CAB39L: variants seen among roughly 807,000 people sequenced by gnomAD.
CAB39L encodes the protein calcium-binding protein 39-like.
A neutral mutation model predicts 39.1 loss-of-function variants in CAB39L; 23 were observed. The ratio of observed to expected loss-of-function variants is 0.59; its 90% CI spans 0.42 to 0.83. CAB39L has a LOEUF of 0.83. Ranked by LOEUF, CAB39L falls within the 40% of genes least tolerant of loss-of-function variation. The probability of loss-of-function intolerance (pLI) is 0.00; values close to 1 mark genes in which losing one functional copy is unlikely to be tolerated. For synonymous variants in CAB39L, 126 were observed against 137.2 expected, an observed-to-expected ratio of 0.92 and a Z score of 0.57; for missense variants, 366 against 391.9, an observed-to-expected ratio of 0.93 and a Z score of 0.56.
chr13:49,395,297 A>G (rs1316833168), intron 3 of CAB39L, among the ~76,000 whole-genome samples: 2 of 148,142 alleles, frequency 1.4e-5, no homozygotes, highest in Non-Finnish European at 1.5e-5. Context: ...GTGCAATGGC[A>G]TGATCTCGGC....
chr13:49,396,534 C>G lies in CAB39L; in HGVS notation c.-31-13593G>C, dbSNP rs893338598. On this transcript the variant is annotated intron_variant, in intron 3 of 10. Transcript: ENST00000409308. ...GACCAGCCTAGCCAACATGGTGAAA[C>G]CTCGTCTCTACTAAAATACAAAAAT... 3.9e-5 allele frequency among the ~76,000 whole-genome samples: 6 copies of G among 152,132 alleles called. No individual in the cohort carries two copies. In the South Asian group the frequency reaches 1.0e-3, roughly 26 times the overall value.
Position 49,326,753 on chromosome 13 carries a change from T to C in CAB39L, c.834+5194A>G, listed in dbSNP as rs190169362. ...AAACAAGCGGTCAACTATTTTTAAATGTACCTACCCTGTCCAATGATTAGG... is the reference window on the plus strand; with the variant it reads ...AAACAAGCGGTCAACTATTTTTAAACGTACCTACCCTGTCCAATGATTAGG... On this transcript the variant is annotated intron_variant, in intron 10 of 10. Coordinates refer to ENST00000409308, the MANE Select transcript of CAB39L (RefSeq NM_001079670.3). Among the ~76,000 whole-genome samples, 576 of 152,330 alleles carry C rather than the reference T, an allele frequency of 3.8e-3. 3 individuals carry two copies. Among genetic ancestry groups the C allele is most frequent in the African/African-American group, 0.013 (558 of 41,564 alleles).
Position 49,350,729 on chromosome 13 carries a change from G to GAA in CAB39L, c.564+13_564+14dup. 9.1e-6 allele frequency: 13 copies of GAA among 1,431,452 alleles called. No individual in the cohort carries two copies. Among genetic ancestry groups the GAA allele is most frequent in the Admixed American group, 6.7e-5 (3 of 44,700 alleles). The allele number at this position is 1,431,452 out of a possible 1,614,324, so 88.7% of individuals were successfully genotyped here. A position where few individuals can be genotyped will look rare whatever the true frequency, so the allele number is the denominator to read the frequency against. ...ACTATAAATTGACCTAGCTGAGTTG[G>GAA]AAAAAAAAAATTACCTTGAAAGTAG... On this transcript the variant is annotated intron_variant, in intron 7 of 10. Coordinates refer to ENST00000409308, the MANE Select transcript of CAB39L (RefSeq NM_001079670.3).
At chr13:49,343,654 A>T (rs1261866436) in intron 8 of CAB39L, among the ~76,000 whole-genome samples, 1 of 151,926 alleles carries the variant, frequency 6.6e-6, no homozygotes, top group Non-Finnish European at 1.5e-5. Flanking sequence ...AGAGACAGAG[A>T]CAGAAAGAGA....
chr13:49,407,779 C>T (rs951155533), intron 3 of CAB39L, among the ~76,000 whole-genome samples: 4 of 150,068 alleles, frequency 2.7e-5, no homozygotes, highest in African/African-American at 9.8e-5. Flanking sequence ...GTATTCCCAG[C>T]CCTTATGGGA....
chr13:49,322,926 CATT>C (rs1254344670), intron 10 of CAB39L, among the ~76,000 whole-genome samples: 1 of 152,218 alleles, frequency 6.6e-6, no homozygotes, highest in Non-Finnish European at 1.5e-5. Context: ...TGTTGGCTTG[CATT>C]ATGATATTCT....
chr13:49,423,293 A>T (rs1957199476), intron 3 of CAB39L, among the ~76,000 whole-genome samples: 1 of 152,256 alleles, frequency 6.6e-6, no homozygotes, highest in Non-Finnish European at 1.5e-5. Flanking sequence ...TCCAATGACC[A>T]CATTTTGAGA....
chr13:49,324,332 A>C (rs1167371228), intron 10 of CAB39L, among the ~76,000 whole-genome samples: 2 of 151,992 alleles, frequency 1.3e-5, no homozygotes, highest in African/African-American at 2.4e-5. Context: ...AAAAATAAAT[A>C]AATAAAAATA....
chr13:49,361,477 CAAAAAAAAAAAA>C (rs33984866), intron 5 of CAB39L, among the ~76,000 whole-genome samples: 2 of 54,440 alleles, frequency 3.7e-5, no homozygotes, highest in Non-Finnish European at 6.1e-5. Flanking sequence ...GACTTCATCT[CAAAAAAAAAAAA>C]AAAAAAAAAA....
intron 5 of CAB39L, among the ~76,000 whole-genome samples, chr13:49,366,292 G>T (rs1955767877): frequency 6.6e-6 from 1 of 151,726 alleles, no homozygotes; most frequent in African/African-American, 2.4e-5. Flanking sequence ...TCCATGATGT[G>T]GTTATTACAC....
intron 5 of CAB39L, among the ~76,000 whole-genome samples, chr13:49,363,069 T>C (rs918634908): frequency 1.3e-5 from 2 of 152,178 alleles, no homozygotes; most frequent in African/African-American, 4.8e-5. Flanking sequence ...TGATCAATAC[T>C]AGACCCATCC....
chr13:49,383,468 ATAAACT>A (rs1394845335), intron 3 of CAB39L, among the ~76,000 whole-genome samples: 3 of 152,200 alleles, frequency 2.0e-5, no homozygotes, highest in African/African-American at 4.8e-5. Context: ...TTTAAAAAAC[ATAAACT>A]TATTCTCTGA....
rs1335504442 is a variant in CAB39L, at chr13:49,309,962, A to G, written c.*852T>C. 4 of 152,180 alleles carry G rather than the reference A, an allele frequency of 2.6e-5. No individual in the cohort carries two copies. The highest frequency in any genetic ancestry group is 5.9e-5 in the Non-Finnish European group (4 of 68,066). 9.4% of individuals were successfully genotyped at this position (152,180 alleles called of 1,614,324 possible). A position where few individuals can be genotyped will look rare whatever the true frequency, so the allele number is the denominator to read the frequency against. On this transcript the variant is annotated 3_prime_UTR_variant, in exon 11 of 11. Coordinates refer to ENST00000409308, the MANE Select transcript of CAB39L (RefSeq NM_001079670.3). ...ATCCCACTATGCTGATTCCTACTCT[A>G]AAAGACACTTACAGCAGAAAGCATT...
intron 5 of CAB39L, among the ~76,000 whole-genome samples, chr13:49,363,978 C>T (rs1447678900): frequency 6.6e-6 from 1 of 151,866 alleles, no homozygotes; most frequent in Non-Finnish European, 1.5e-5. Context: ...AAAGATATTC[C>T]ATGCTAATGA....
In CAB39L at chr13:49,366,311, C is replaced by A. The variant is rs146895797; in HGVS notation, c.277-6479G>T. Among the ~76,000 whole-genome samples, 44 of 151,826 alleles carry A rather than the reference C, an allele frequency of 2.9e-4. No homozygotes were observed. In the East Asian group the frequency reaches 6.6e-3, roughly 23 times the overall value. ...TGATGTGGTTATTACACATTACATG[C>A]CTGTACTAAAATATCTCATATACAC... On this transcript the variant is annotated intron_variant, in intron 5 of 10. Coordinates refer to ENST00000409308, the MANE Select transcript of CAB39L (RefSeq NM_001079670.3).
At chr13:49,389,307 G>A (rs919889958) in intron 3 of CAB39L, among the ~76,000 whole-genome samples, 3 of 152,106 alleles carry the variant, frequency 2.0e-5, no homozygotes, top group African/African-American at 7.2e-5. Flanking sequence ...GCCAAGACAT[G>A]GAACCAACCT....
chr13:49,392,851 T>C (rs555203134), intron 3 of CAB39L, among the ~76,000 whole-genome samples: 239 of 151,888 alleles, frequency 1.6e-3, no homozygotes, highest in Non-Finnish European at 3.0e-3. Context: ...CCAAATCAGG[T>C]TTTTAATAAT....
intron 1 of CAB39L, among the ~76,000 whole-genome samples, chr13:49,441,840 C>A (rs1027824693): frequency 6.6e-6 from 1 of 151,938 alleles, no homozygotes; most frequent in African/African-American, 2.4e-5. Flanking sequence ...CAAGTGCTGA[C>A]AAGGATGAAA....
At chr13:49,324,503 C>T (rs543551658) in intron 10 of CAB39L, among the ~76,000 whole-genome samples, 19 of 152,230 alleles carry the variant, frequency 1.2e-4, no homozygotes, top group African/African-American at 4.1e-4. Context: ...AGCGCTTCTA[C>T]GAAATACAAA....
Sources: gnomAD v4.1 joint callset for allele counts (sites outside exome capture counted in the v4.1 genomes callset) on GRCh38, gnomAD v4.1.1 for gene constraint, MANE v1.5 for transcripts, NCBI Gene and HGNC (gene_info 2026-07-23, HGNC 2026-07-21) for gene names.